The following EYS variants were observed in gnomAD, a reference collection of about 807,000 sequenced individuals.
EYS encodes protein eyes shut homolog.
EYS carries 250 observed loss-of-function variants against 282.1 expected under a neutral mutation model. The observed-to-expected ratio is 0.89, with a 90% CI of 0.80 to 0.98. The LOEUF (loss-of-function observed/expected upper bound fraction) is 0.98, where lower values mean the gene tolerates loss of function less well. Among genes scored for constraint, EYS ranks in the 50% least tolerant of loss-of-function variants. EYS has a pLI of 0.00. For missense variants in EYS, 4,016 were observed against 3,709.0 expected (o/e 1.08, Z -2.15); for synonymous variants, 1,355 against 1,282.9 (o/e 1.06, Z -1.20).
intron 19 of EYS, among the ~76,000 whole-genome samples, chr6:64,876,693 T>C (rs1190119140): frequency 1.3e-5 from 2 of 152,064 alleles, no homozygotes; most frequent in Non-Finnish European, 2.9e-5. Flanking sequence ...TTTTATATAA[T>C]GTAGGTAGGC....
intron 15 of EYS, among the ~76,000 whole-genome samples, chr6:64,923,664 G>T (rs1459649283): frequency 6.6e-6 from 1 of 152,190 alleles, no homozygotes; most frequent in Non-Finnish European, 1.5e-5. Context: ...TACAGGTATT[G>T]GGTAAGTACA....
At chr6:65,216,333 A>C (rs952101119) in intron 12 of EYS, among the ~76,000 whole-genome samples, 1 of 152,046 alleles carries the variant, frequency 6.6e-6, no homozygotes, top group Non-Finnish European at 1.5e-5. Context: ...AATTGTATGA[A>C]TACCCATACA....
chr6:63,720,526 T>A lies in EYS; in HGVS notation c.*70A>T. 1 of 1,108,894 alleles carries A rather than the reference T, an allele frequency of 9.0e-7. No homozygotes were observed. Among genetic ancestry groups the A allele is most frequent in the South Asian group, 1.8e-5 (1 of 55,360 alleles). 68.7% of individuals were successfully genotyped at this position (1,108,894 alleles called of 1,614,324 possible). ...TAAACAGTTGATTCCCCGTAAGCAA[T>A]GTATCAAAGAAATAACTATCAAAAT... On this transcript the variant is annotated 3_prime_UTR_variant, in exon 43 of 43. Transcript: ENST00000503581.
chr6:65,065,804 C>T (rs1305450189), intron 12 of EYS, among the ~76,000 whole-genome samples: 1 of 152,120 alleles, frequency 6.6e-6, no homozygotes, highest in East Asian at 1.9e-4. Context: ...TAAATTAATA[C>T]GTTTGACAGT....
chr6:64,939,383 C>G (rs1769014945), intron 15 of EYS, among the ~76,000 whole-genome samples: 1 of 151,744 alleles, frequency 6.6e-6, no homozygotes, highest in Admixed American at 6.6e-5. Context: ...TCTCCTGAAA[C>G]ATTTATACAT....
chr6:65,593,396 C>A (rs914303065), intron 2 of EYS, among the ~76,000 whole-genome samples: 1 of 151,974 alleles, frequency 6.6e-6, no homozygotes, highest in South Asian at 2.1e-4. Context: ...ATACTTCGGG[C>A]GAAACTGGTG....
intron 35 of EYS, among the ~76,000 whole-genome samples, chr6:63,914,158 G>A (rs764016181): frequency 2.5e-4 from 38 of 152,016 alleles, no homozygotes; most frequent in Admixed American, 3.9e-4. Flanking sequence ...TATACCCCAA[G>A]ACACAACAAT....
intron 18 of EYS, among the ~76,000 whole-genome samples, chr6:64,889,356 T>A (rs904526259): frequency 1.3e-5 from 2 of 152,166 alleles, no homozygotes; most frequent in Non-Finnish European, 2.9e-5. Flanking sequence ...AGTATTAATT[T>A]TTTTTTGTCT....
chr6:64,141,368 A>T (rs1042233100), intron 31 of EYS, among the ~76,000 whole-genome samples: 2 of 152,238 alleles, frequency 1.3e-5, no homozygotes, highest in Non-Finnish European at 2.9e-5. Flanking sequence ...CAGTTTTACT[A>T]TGAAAAGAGA....
At chr6:65,518,931 C>T (rs1222918839) in intron 2 of EYS, among the ~76,000 whole-genome samples, 3 of 151,920 alleles carry the variant, frequency 2.0e-5, no homozygotes, top group African/African-American at 4.8e-5. Context: ...TCCCATGACA[C>T]GTGGAAATTA....
intron 12 of EYS, among the ~76,000 whole-genome samples, chr6:65,287,545 T>C (rs1355386358): frequency 1.3e-5 from 2 of 151,424 alleles, no homozygotes; most frequent in Non-Finnish European, 3.0e-5. Context: ...ATTTAGTAAA[T>C]TATTTTATAA....
chr6:65,141,447 C>T (rs1284189681), intron 12 of EYS, among the ~76,000 whole-genome samples: 1 of 151,780 alleles, frequency 6.6e-6, no homozygotes, highest in Admixed American at 6.6e-5. Context: ...ACATATGTAA[C>T]TAACCTGCAC....
intron 36 of EYS, among the ~76,000 whole-genome samples, chr6:63,840,520 G>T (rs1235018439): frequency 6.6e-6 from 1 of 151,814 alleles, no homozygotes; most frequent in Non-Finnish European, 1.5e-5. Context: ...TTCCTTTGCG[G>T]TGCAGAAATC....
At chr6:65,410,775 G>A (rs970496642) in intron 5 of EYS, among the ~76,000 whole-genome samples, 6 of 151,328 alleles carry the variant, frequency 4.0e-5, no homozygotes, top group African/African-American at 7.3e-5. Context: ...ATTTATAATA[G>A]CCAAAAAATG....
intron 19 of EYS, among the ~76,000 whole-genome samples, chr6:64,866,568 G>T (rs187362065): frequency 6.6e-6 from 1 of 151,636 alleles, no homozygotes; most frequent in Non-Finnish European, 1.5e-5. Flanking sequence ...TGCTCAAAAG[G>T]CCTCTAGTTA....
At chr6:63,749,271 A>G (rs1450245541) in intron 41 of EYS, among the ~76,000 whole-genome samples, 3 of 152,082 alleles carry the variant, frequency 2.0e-5, no homozygotes, top group East Asian at 3.9e-4. Context: ...AGGATATTCA[A>G]TTTCCATGTA....
Position 65,500,702 on chromosome 6 carries a change from C to T in EYS, c.-332-4709G>A, listed in dbSNP as rs557822456. On this transcript the variant is annotated intron_variant, in intron 2 of 42. Transcript: ENST00000503581. ...ACAAGTGCCTTCACATTATAGTATC[C>T]TTTTTGAAGAAGAAATAATAGGCAG... is the stretch of plus-strand genomic sequence containing the variant. Among the ~76,000 whole-genome samples, 11 of 152,074 alleles carry T rather than the reference C, an allele frequency of 7.2e-5. No individual in the cohort carries two copies. The South Asian group carries it at 2.3e-3, about 32-fold the overall frequency.
At chr6:65,177,927 C>T (rs2150231205) in intron 12 of EYS, among the ~76,000 whole-genome samples, 1 of 151,916 alleles carries the variant, frequency 6.6e-6, no homozygotes, top group Non-Finnish European at 1.5e-5. Flanking sequence ...GATTTTTTTT[C>T]TCCACAGATC....
intron 1 of EYS, among the ~76,000 whole-genome samples, chr6:65,693,929 T>C (rs1326041836): frequency 1.3e-5 from 2 of 150,206 alleles, no homozygotes; most frequent in Non-Finnish European, 3.0e-5. Flanking sequence ...ATTGCTTTAG[T>C]GTTTACTACT....
Sources: allele counts gnomAD v4.1 joint callset (sites outside exome capture counted in the v4.1 genomes callset), GRCh38; gene constraint gnomAD v4.1.1; transcripts MANE v1.5; gene names NCBI Gene and HGNC (gene_info 2026-07-23, HGNC 2026-07-21).